Variants in NAV3 observed in about 807,000 individuals in gnomAD.
NAV3 encodes the protein pore membrane and/or filament interacting like protein 1.
In NAV3, 87 loss-of-function variants were observed where a neutral mutation model predicts 244.7. The ratio of observed to expected loss-of-function variants is 0.36; its 90% CI spans 0.30 to 0.42. NAV3 has a LOEUF of 0.42. NAV3 is among the 20% of genes least tolerant of loss of function. The probability of loss-of-function intolerance (pLI) is 1.00; values close to 1 mark genes in which losing one functional copy is unlikely to be tolerated. For missense variants in NAV3, 2,663 were observed against 2,893.3 expected (o/e 0.92, Z 1.83); for synonymous variants, 1,126 against 1,042.2 (o/e 1.08, Z -1.55).
chr12:77,692,096 G>A (rs1875059873), intron 2 of NAV3, among the ~76,000 whole-genome samples: 1 of 151,870 alleles, frequency 6.6e-6, no homozygotes, highest in Non-Finnish European at 1.5e-5. Context: ...AACCAAGCTG[G>A]GAAGTTCCTA....
intron 22 of NAV3, among the ~76,000 whole-genome samples, chr12:78,150,470 A>G (rs1476056517): frequency 1.3e-5 from 2 of 151,764 alleles, no homozygotes; most frequent in Non-Finnish European, 1.5e-5. Flanking sequence ...AAAAGAAAAA[A>G]CTAAAATGGT....
intron 23 of NAV3, among the ~76,000 whole-genome samples, chr12:78,166,259 A>G (rs1001408868): frequency 6.6e-6 from 1 of 151,872 alleles, no homozygotes; most frequent in African/African-American, 2.4e-5. Flanking sequence ...GGGAAAAATT[A>G]TATGGAAAGC....
intron 12 of NAV3, among the ~76,000 whole-genome samples, chr12:78,106,381 C>T (rs1021978521): frequency 6.6e-6 from 1 of 151,902 alleles, no homozygotes; most frequent in African/African-American, 2.4e-5. Flanking sequence ...ATCTCCTATA[C>T]CAGGAATTAC....
At chr12:77,653,879 T>G (rs1431409696) in intron 2 of NAV3, among the ~76,000 whole-genome samples, 1 of 152,038 alleles carries the variant, frequency 6.6e-6, no homozygotes, top group Non-Finnish European at 1.5e-5. Flanking sequence ...TGCATATATG[T>G]GGGACAAGTA....
intron 21 of NAV3, among the ~76,000 whole-genome samples, 164 bp from the exon 22 acceptor site, chr12:78,148,678 T>C (rs1311341585): frequency 1.3e-5 from 2 of 152,134 alleles, no homozygotes; most frequent in Non-Finnish European, 2.9e-5. Context: ...TGACATTTGC[T>C]TGTTACTGTG....
At chr12:77,794,057 A>C (rs1331616645) in intron 2 of NAV3, among the ~76,000 whole-genome samples, 1 of 151,982 alleles carries the variant, frequency 6.6e-6, no homozygotes, top group Non-Finnish European at 1.5e-5. Context: ...TTTGATTTGC[A>C]TTTCTCCAAT....
chr12:77,936,918 A>G (rs892986200), intron 1 of NAV3, among the ~76,000 whole-genome samples: 1 of 152,210 alleles, frequency 6.6e-6, no homozygotes, highest in Non-Finnish European at 1.5e-5. Flanking sequence ...TTCAACTTAC[A>G]CATATACAAT....
intron 5 of NAV3, among the ~76,000 whole-genome samples, chr12:77,981,734 C>T (rs74108203): frequency 0.03 from 4,528 of 151,982 alleles, 123 homozygotes; most frequent in African/African-American, 0.073. Context: ...CCTACTAAAA[C>T]TCAAACCCAA....
chr12:77,807,848 T>C (rs143688117), intron 2 of NAV3, among the ~76,000 whole-genome samples: 1 of 152,308 alleles, frequency 6.6e-6, no homozygotes, highest in African/African-American at 2.4e-5. Flanking sequence ...CATAGTCCCA[T>C]ATTTCTTGGA....
In NAV3 at chr12:77,616,988, CA is replaced by C. The variant is rs562537034; in HGVS notation, c.72+44723del. 1.1e-4 allele frequency among the ~76,000 whole-genome samples: 17 copies of C among 152,248 alleles called. No homozygotes were observed. In the South Asian group the frequency reaches 3.5e-3, roughly 32 times the overall value. On this transcript the variant is annotated intron_variant, in intron 2 of 8. Transcript: ENST00000550042. ...AAGAACATAATAGAATTCGCTATAG[CA>C]TTGACATGATACTAAATAGTCACTT...
chr12:77,979,844 G>A (rs551355169), intron 5 of NAV3, among the ~76,000 whole-genome samples: 2 of 152,182 alleles, frequency 1.3e-5, no homozygotes, highest in Admixed American at 1.3e-4. Flanking sequence ...TTTGGTCTAG[G>A]TCCTGCTGTG....
intron 9 of NAV3, among the ~76,000 whole-genome samples, chr12:78,035,385 A>G (rs530665054): frequency 6.6e-6 from 1 of 152,320 alleles, no homozygotes; most frequent in East Asian, 1.9e-4. Context: ...TTAACTGTCA[A>G]TGGTACCCAT....
chr12:77,966,079 A>G (rs1892485061), intron 3 of NAV3, 150 bp from the exon 4 acceptor site: 1 of 709,578 alleles, frequency 1.4e-6, no homozygotes, highest in East Asian at 2.7e-5. Flanking sequence ...ATTAGCCAAA[A>G]TAATTCTAGT....
chr12:77,771,067 G>GA (rs572383518), intron 2 of NAV3, among the ~76,000 whole-genome samples: 1 of 151,990 alleles, frequency 6.6e-6, no homozygotes, highest in South Asian at 2.1e-4. Flanking sequence ...AAATTTACAA[G>GA]AAAAAAACAA....
At chr12:77,768,943 A>G (rs1317892532) in intron 2 of NAV3, among the ~76,000 whole-genome samples, 2 of 152,220 alleles carry the variant, frequency 1.3e-5, no homozygotes, top group African/African-American at 4.8e-5. Context: ...AATTTTACTC[A>G]TCAACATTGC....
intron 12 of NAV3, among the ~76,000 whole-genome samples, chr12:78,078,904 T>C (rs1043179639): frequency 6.6e-6 from 1 of 152,222 alleles, no homozygotes; most frequent in Middle Eastern, 3.2e-3. Context: ...GAGAAGTATT[T>C]AGAAAAATCA....
At chr12:77,686,138 T>C (rs1016323931) in intron 2 of NAV3, among the ~76,000 whole-genome samples, 3 of 152,130 alleles carry the variant, frequency 2.0e-5, no homozygotes, top group Non-Finnish European at 4.4e-5. Flanking sequence ...GATTTATGTA[T>C]GTATGTATGT....
intron 2 of NAV3, among the ~76,000 whole-genome samples, chr12:77,614,935 T>G (rs1871091786): frequency 6.6e-6 from 1 of 152,268 alleles, no homozygotes; most frequent in Admixed American, 6.5e-5. Flanking sequence ...GGAGAGGTGG[T>G]AGCAACATCT....
At chr12:77,829,045 T>C (rs1873317759), upstream of NAV3, among the ~76,000 whole-genome samples, 1 of 152,236 alleles carries the variant, frequency 6.6e-6, no homozygotes, top group Non-Finnish European at 1.5e-5. Context: ...GTTTGAATGT[T>C]GTATAGTCAG....
Sources: allele counts gnomAD v4.1 joint callset (sites outside exome capture counted in the v4.1 genomes callset), GRCh38; gene constraint gnomAD v4.1.1; transcripts MANE v1.5; gene names NCBI Gene and HGNC (gene_info 2026-07-23, HGNC 2026-07-21).